Variants in RBFOX3 observed in about 807,000 individuals in gnomAD.
RBFOX3 encodes the protein RNA binding protein fox-1 homolog 3.
In RBFOX3, 17 loss-of-function variants were observed where a neutral mutation model predicts 48.7. That is an observed-to-expected ratio of 0.35 (90% CI 0.24 to 0.52). The LOEUF is 0.52. RBFOX3 is among the 20% of genes least tolerant of loss of function. The pLI is 0.94. For synonymous variants in RBFOX3, 212 were observed against 209.5 expected (o/e 1.01, Z -0.10); for missense variants, 382 against 497.5 (o/e 0.77, Z 2.21).
chr17:79,256,863 A>G (rs1264263169), intron 3 of RBFOX3, among the ~76,000 whole-genome samples: 1 of 152,090 alleles, frequency 6.6e-6, no homozygotes, highest in African/African-American at 2.4e-5. Flanking sequence ...TGGAGGTTGC[A>G]GTGAGCCGAG....
the RBFOX3 span, among the ~76,000 whole-genome samples, chr17:79,658,917 G>A: frequency 2.0e-5 from 3 of 152,230 alleles, no homozygotes; most frequent in African/African-American, 7.2e-5. Flanking sequence ...CACTGGGATA[G>A]TGTAGGTTCT....
intron 1 of RBFOX3, among the ~76,000 whole-genome samples, chr17:79,529,587 C>T (rs1379836359): frequency 2.0e-5 from 3 of 152,100 alleles, no homozygotes; most frequent in African/African-American, 7.2e-5. Flanking sequence ...GGGGCCCTGC[C>T]GAGGCCCCAA....
At chr17:79,183,666 C>T (rs1234542902) in intron 4 of RBFOX3, among the ~76,000 whole-genome samples, 1 of 152,102 alleles carries the variant, frequency 6.6e-6, no homozygotes, top group African/African-American at 2.4e-5. Context: ...CACTTTGGAG[C>T]CTCCGGAGCC....
At chr17:79,658,971 G>A in the RBFOX3 span, among the ~76,000 whole-genome samples, 9 of 152,310 alleles carry the variant, frequency 5.9e-5, no homozygotes, top group African/African-American at 2.2e-4. Flanking sequence ...TTTGCGGAAA[G>A]GTTTGTTTCT....
intron 5 of RBFOX3, among the ~76,000 whole-genome samples, chr17:79,107,058 G>A (rs1344097895): frequency 2.0e-5 from 3 of 152,212 alleles, no homozygotes; most frequent in Middle Eastern, 3.2e-3. Context: ...CCCAGTGCAA[G>A]GCCTCCTGGC....
intron 4 of RBFOX3, among the ~76,000 whole-genome samples, chr17:79,206,793 C>G (rs1313940242): frequency 6.6e-6 from 1 of 152,152 alleles, no homozygotes; most frequent in Non-Finnish European, 1.5e-5. Context: ...CCTCTTCTAT[C>G]CCTCAGGTGG....
chr17:79,499,697 G>C (rs1350200740), intron 1 of RBFOX3, among the ~76,000 whole-genome samples: 2 of 152,170 alleles, frequency 1.3e-5, no homozygotes, highest in Non-Finnish European at 2.9e-5. Flanking sequence ...CTATAAAATG[G>C]GGCAATAATA....
intron 4 of RBFOX3, among the ~76,000 whole-genome samples, chr17:79,188,113 G>A (rs1029818664): frequency 6.6e-6 from 1 of 152,218 alleles, no homozygotes; most frequent in African/African-American, 2.4e-5. Flanking sequence ...AGCCGTCGGT[G>A]CAGCCCTGGC....
At chr17:79,411,116 C>A (rs750122862) in intron 2 of RBFOX3, among the ~76,000 whole-genome samples, 3 of 152,176 alleles carry the variant, frequency 2.0e-5, no homozygotes, top group Admixed American at 6.5e-5. Context: ...ACATTTTTTT[C>A]GTGCCCCGGC....
In RBFOX3 at chr17:79,418,560, C is replaced by T. The variant is rs933992240; in HGVS notation, c.-175+63894G>A. Reference sequence around the variant, plus strand: ...GCCCAGACATGTGAAGGTGGTCAGTCGTGGGGCCAAGTCTCAGGGCAGCAT... The same window carrying T: ...GCCCAGACATGTGAAGGTGGTCAGTTGTGGGGCCAAGTCTCAGGGCAGCAT... On this transcript the variant is annotated intron_variant, in intron 2 of 14. Transcript: ENST00000693108. The surrounding 1 kb of genome is among the most constrained non-coding windows in gnomAD (Gnocchi z 5.0). Among the ~76,000 whole-genome samples, 4 of 152,180 alleles carry T rather than the reference C, an allele frequency of 2.6e-5. No individual in the cohort carries two copies. Among genetic ancestry groups the T allele is most frequent in the Admixed American group, 6.5e-5 (1 of 15,288 alleles).
At chr17:79,181,992 CACACACACAA>C (rs1248389789) in intron 4 of RBFOX3, among the ~76,000 whole-genome samples, 2 of 134,020 alleles carry the variant, frequency 1.5e-5, no homozygotes, top group Non-Finnish European at 3.1e-5. Flanking sequence ...CACACACACA[CACACACACAA>C]ACACACAATC....
intron 4 of RBFOX3, among the ~76,000 whole-genome samples, chr17:79,123,839 C>T (rs1355067087): frequency 1.3e-5 from 2 of 152,190 alleles, no homozygotes; most frequent in East Asian, 1.9e-4. Flanking sequence ...GCAGGAAACC[C>T]GGCTGTGCTG....
At chr17:79,548,639 C>T (rs7503539) in intron 1 of RBFOX3, among the ~76,000 whole-genome samples, 134,896 of 152,228 alleles carry the variant, frequency 0.89, 60,248 homozygotes, top group Non-Finnish European at 0.94. Context: ...AGCTGTAAAT[C>T]AGGGGACATT....
At chr17:79,652,960 T>TA in the RBFOX3 span, among the ~76,000 whole-genome samples, 2 of 151,900 alleles carry the variant, frequency 1.3e-5, no homozygotes, top group Non-Finnish European at 1.5e-5. Flanking sequence ...AATGGGGCCA[T>TA]ATAATAGGAT....
At chr17:79,238,895 G>A (rs1476072408) in intron 3 of RBFOX3, among the ~76,000 whole-genome samples, 3 of 152,170 alleles carry the variant, frequency 2.0e-5, no homozygotes, top group South Asian at 2.1e-4. Flanking sequence ...AGAGCCGGTC[G>A]AGCCTGATGC....
chr17:79,181,962 AACACACACACACACACACACACACAC>A (rs56842759), intron 4 of RBFOX3, among the ~76,000 whole-genome samples: 1 of 148,408 alleles, frequency 6.7e-6, no homozygotes, highest in Non-Finnish European at 1.5e-5. Flanking sequence ...GTCTCCAAGA[AACACACACACACACACACACACACAC>A]ACACACACAC....
chr17:79,303,997 C>T (rs555651226), intron 3 of RBFOX3, among the ~76,000 whole-genome samples: 4 of 152,148 alleles, frequency 2.6e-5, no homozygotes, highest in Non-Finnish European at 4.4e-5. Context: ...TGGGGTTTTA[C>T]CCATTATAGG....
In RBFOX3 at chr17:79,480,133, G is replaced by A. The variant is rs1353869327; in HGVS notation, c.-175+2321C>T. Among the ~76,000 whole-genome samples the A allele has an allele frequency of 6.6e-6, 1 of 152,216 alleles. No individual in the cohort carries two copies. The highest frequency in any genetic ancestry group is 2.4e-5 in the African/African-American group (1 of 41,464). On this transcript the variant is annotated intron_variant, in intron 2 of 14. Transcript: ENST00000693108. This position sits in a 1 kb window ranked among gnomAD's most constrained non-coding sequence, Gnocchi z 4.8. Reference sequence around the variant, plus strand: ...CAGAAAGAGCCAGAAAGAGCAGTGGGATTCCTGCCCTCTAAACAGTCACAT... The same window carrying A: ...CAGAAAGAGCCAGAAAGAGCAGTGGAATTCCTGCCCTCTAAACAGTCACAT...
chr17:79,153,046 C>T (rs1227508584), intron 4 of RBFOX3, among the ~76,000 whole-genome samples: 2 of 152,216 alleles, frequency 1.3e-5, no homozygotes, highest in African/African-American at 4.8e-5. Context: ...GGACATCTGC[C>T]CGCTGGGGCT....
Sources: allele counts gnomAD v4.1 joint callset (sites outside exome capture counted in the v4.1 genomes callset), GRCh38; gene constraint gnomAD v4.1.1; non-coding constraint Gnocchi (gnomAD v3.1); transcripts MANE v1.5; gene names NCBI Gene and HGNC (gene_info 2026-07-23, HGNC 2026-07-21).